The following INPP4B variants were observed in gnomAD, a reference collection of about 807,000 sequenced individuals.
The protein encoded by INPP4B is inositol polyphosphate 4-phosphatase type II.
INPP4B carries 55 observed loss-of-function variants against 122.5 expected under a neutral mutation model. That is an observed-to-expected ratio of 0.45 (90% CI 0.36 to 0.56). The LOEUF (loss-of-function observed/expected upper bound fraction) is 0.56, where lower values mean the gene tolerates loss of function less well. Ranked by LOEUF, INPP4B falls within the 20% of genes least tolerant of loss-of-function variation. INPP4B has a pLI of 0.00. For synonymous variants in INPP4B, 403 were observed against 388.7 expected, an observed-to-expected ratio of 1.04 and a Z score of -0.43; for missense variants, 1,000 against 1,097.7, an observed-to-expected ratio of 0.91 and a Z score of 1.26.
At chr4:142,414,182 C>T (rs1254360233) in intron 5 of INPP4B, among the ~76,000 whole-genome samples, 1 of 151,900 alleles carries the variant, frequency 6.6e-6, no homozygotes, top group Non-Finnish European at 1.5e-5. Context: ...GGGAAATAAG[C>T]CCTGAAATAA....
chr4:142,670,589 T>C (rs1018821096), intron 2 of INPP4B, among the ~76,000 whole-genome samples: 3 of 152,000 alleles, frequency 2.0e-5, no homozygotes, highest in Admixed American at 6.6e-5. Flanking sequence ...ATATGTAGAA[T>C]AGAAAAAAGT....
At chr4:142,590,083 A>T (rs1007628141) in intron 2 of INPP4B, among the ~76,000 whole-genome samples, 3 of 152,264 alleles carry the variant, frequency 2.0e-5, no homozygotes, top group Admixed American at 2.0e-4. Context: ...CAAAATGATC[A>T]TTAGTCGCCA....
intron 1 of INPP4B, among the ~76,000 whole-genome samples, chr4:142,820,993 C>T (rs1488150993): frequency 1.3e-5 from 2 of 152,080 alleles, no homozygotes; most frequent in Non-Finnish European, 2.9e-5. Context: ...GTCTCTTTCT[C>T]ATGATTTCTA....
At chr4:142,296,676 C>T (rs1579639403) in intron 9 of INPP4B, among the ~76,000 whole-genome samples, 1 of 152,196 alleles carries the variant, frequency 6.6e-6, no homozygotes, top group African/African-American at 2.4e-5. Context: ...AACAATCAGC[C>T]ATACTGACAG....
intron 9 of INPP4B, among the ~76,000 whole-genome samples, chr4:142,276,756 G>T (rs1748611388): frequency 6.6e-6 from 1 of 151,792 alleles, no homozygotes; most frequent in Non-Finnish European, 1.5e-5. Context: ...AGACTAACTG[G>T]CTTGTAGATT....
At chr4:142,118,883 A>G (rs1393652545) in intron 21 of INPP4B, among the ~76,000 whole-genome samples, 5 of 152,140 alleles carry the variant, frequency 3.3e-5, no homozygotes, top group African/African-American at 1.2e-4. Context: ...GAAAATTTTT[A>G]CAATCTATCT....
chr4:142,078,071 A>G (rs1430468993), intron 25 of INPP4B, among the ~76,000 whole-genome samples: 1 of 151,800 alleles, frequency 6.6e-6, no homozygotes, highest in Admixed American at 6.6e-5. Flanking sequence ...GATCACCCAG[A>G]CACCTTGTGT....
chr4:142,485,553 T>C (rs1295092305), intron 2 of INPP4B, among the ~76,000 whole-genome samples: 1 of 152,146 alleles, frequency 6.6e-6, no homozygotes, highest in African/African-American at 2.4e-5. Context: ...TATGGGCAAA[T>C]ATTATGACTT....
At chr4:142,754,506 T>C (rs1770206460) in intron 1 of INPP4B, among the ~76,000 whole-genome samples, 1 of 152,042 alleles carries the variant, frequency 6.6e-6, no homozygotes, top group Admixed American at 6.6e-5. Context: ...AGTTATGCCA[T>C]ATCCAGTCTT....
At chr4:142,730,639 C>A (rs1364927966) in intron 1 of INPP4B, among the ~76,000 whole-genome samples, 2 of 152,196 alleles carry the variant, frequency 1.3e-5, no homozygotes, top group Non-Finnish European at 2.9e-5. Context: ...CGTTCTTCTA[C>A]CTTGTGCAGC....
chr4:142,592,816 A>G (rs7682731), intron 2 of INPP4B, among the ~76,000 whole-genome samples: 122,556 of 152,102 alleles, frequency 0.81, 49,787 homozygotes, highest in Non-Finnish European at 0.85. Context: ...AAAGACCGTC[A>G]TAGGCTGGGT....
At chr4:142,210,562 C>T (rs1252735194) in intron 12 of INPP4B, among the ~76,000 whole-genome samples, 1 of 152,094 alleles carries the variant, frequency 6.6e-6, no homozygotes, top group Non-Finnish European at 1.5e-5. Context: ...AAAAAAGCAA[C>T]AACCACTAAA....
chr4:142,426,190 G>A (rs1195922220), intron 5 of INPP4B, among the ~76,000 whole-genome samples: 1 of 151,886 alleles, frequency 6.6e-6, no homozygotes, highest in Non-Finnish European at 1.5e-5. Flanking sequence ...ATAAGTGGAG[G>A]CGAATAATTA....
chr4:142,315,195 T>C (rs1013706139), intron 7 of INPP4B, among the ~76,000 whole-genome samples: 1 of 150,966 alleles, frequency 6.6e-6, no homozygotes, highest in Non-Finnish European at 1.5e-5. Flanking sequence ...ATATATTACA[T>C]GTATTGCAAT....
At chr4:142,648,680 G>GCTCAAA (rs1752317601) in intron 2 of INPP4B, among the ~76,000 whole-genome samples, 2 of 152,232 alleles carry the variant, frequency 1.3e-5, no homozygotes, top group Admixed American at 1.3e-4. Flanking sequence ...CTCAAACTGG[G>GCTCAAA]CTGGGCGGAG....
At chr4:142,402,681 C>T (rs1345574823) in intron 7 of INPP4B, among the ~76,000 whole-genome samples, 1 of 152,038 alleles carries the variant, frequency 6.6e-6, no homozygotes, top group Non-Finnish European at 1.5e-5. Context: ...AAAACAACAA[C>T]AACAAAATGT....
chr4:142,646,089 G>T (rs1482487662), intron 2 of INPP4B, among the ~76,000 whole-genome samples: 1 of 152,066 alleles, frequency 6.6e-6, no homozygotes, highest in Non-Finnish European at 1.5e-5. Flanking sequence ...GCACCTTTTT[G>T]GATGATGGAC....
At chr4:142,773,980 A>G (rs1371500353) in intron 1 of INPP4B, among the ~76,000 whole-genome samples, 1 of 152,214 alleles carries the variant, frequency 6.6e-6, no homozygotes, top group Non-Finnish European at 1.5e-5. Flanking sequence ...AGATGATAAC[A>G]TCCAATATTA....
chr4:142,071,539 G>A (rs1227606517), intron 25 of INPP4B, among the ~76,000 whole-genome samples: 4 of 152,142 alleles, frequency 2.6e-5, no homozygotes, highest in Non-Finnish European at 5.9e-5. Flanking sequence ...TACCATCAGA[G>A]TGAACAGGCA....
Sources: gnomAD v4.1 joint callset for allele counts (sites outside exome capture counted in the v4.1 genomes callset) on GRCh38, gnomAD v4.1.1 for gene constraint, MANE v1.5 for transcripts, NCBI Gene and HGNC (gene_info 2026-07-23, HGNC 2026-07-21) for gene names.